Variants in TENM4 observed in about 807,000 individuals in gnomAD.
TENM4 encodes teneurin transmembrane protein 4, also known as teneurin-4.
Under a neutral mutation model 243.3 loss-of-function variants are expected in TENM4, and 82 were observed. The observed-to-expected ratio is 0.34, with a 90% CI of 0.28 to 0.40. The LOEUF is 0.40. Ranked by LOEUF, TENM4 falls within the 10% of genes least tolerant of loss-of-function variation. The pLI, the probability that TENM4 is intolerant of heterozygous loss-of-function variation, is 1.00. For missense variants in TENM4, 3,138 were observed against 3,673.3 expected (o/e 0.85, Z 3.77); for synonymous variants, 1,412 against 1,456.3 (o/e 0.97, Z 0.69).
chr11:79,432,034 C>A (rs1859179438), intron 1 of TENM4, among the ~76,000 whole-genome samples: 1 of 152,124 alleles, frequency 6.6e-6, no homozygotes, highest in Non-Finnish European at 1.5e-5. Context: ...TGAAATCTGG[C>A]TAGTGCAACC....
chr11:79,075,322 ACC>A (rs1249496104), intron 4 of TENM4, among the ~76,000 whole-genome samples: 1 of 152,142 alleles, frequency 6.6e-6, no homozygotes, highest in Non-Finnish European at 1.5e-5. Context: ...TCTTTCCAGA[ACC>A]CTCTATCCTG....
intron 27 of TENM4, among the ~76,000 whole-genome samples, chr11:78,705,479 A>G (rs545027556): frequency 6.6e-6 from 1 of 152,280 alleles, no homozygotes; most frequent in Admixed American, 6.5e-5. Flanking sequence ...TGGTTTCACC[A>G]CCCTATTAGC....
intron 4 of TENM4, among the ~76,000 whole-genome samples, chr11:79,103,818 C>G (rs1861294005): frequency 6.6e-6 from 1 of 152,206 alleles, no homozygotes; most frequent in Non-Finnish European, 1.5e-5. Flanking sequence ...TTCCTCTGCT[C>G]CCCACTCGCT....
chr11:79,226,915 C>T (rs1416200305), intron 2 of TENM4, among the ~76,000 whole-genome samples: 1 of 152,158 alleles, frequency 6.6e-6, no homozygotes, highest in African/African-American at 2.4e-5. Context: ...TGGGAGTGCG[C>T]AGGCTGAATG....
intron 3 of TENM4, among the ~76,000 whole-genome samples, chr11:79,203,450 A>G (rs771769671): frequency 7.2e-5 from 11 of 152,268 alleles, no homozygotes; most frequent in Non-Finnish European, 1.0e-4. Flanking sequence ...CACAGAGGAT[A>G]CATTCCAAGG....
At chr11:78,770,301 C>A (rs570197783) in intron 18 of TENM4, among the ~76,000 whole-genome samples, 1 of 152,232 alleles carries the variant, frequency 6.6e-6, no homozygotes, top group Non-Finnish European at 1.5e-5. Context: ...TACTCATGGG[C>A]CAGCTGCCTC....
chr11:79,219,838 T>C (rs1177646743), intron 2 of TENM4, among the ~76,000 whole-genome samples: 1 of 152,222 alleles, frequency 6.6e-6, no homozygotes, highest in African/African-American at 2.4e-5. Context: ...AGAGTGCCTC[T>C]GCTTCTGTTG....
chr11:78,740,366 C>T (rs1216775363), intron 19 of TENM4, among the ~76,000 whole-genome samples: 1 of 150,982 alleles, frequency 6.6e-6, no homozygotes, highest in Non-Finnish European at 1.5e-5. Context: ...CACCCCACCC[C>T]ACCCTCCTCA....
chr11:79,277,310 G>A (rs1310501820), intron 2 of TENM4, among the ~76,000 whole-genome samples: 3 of 152,326 alleles, frequency 2.0e-5, no homozygotes, highest in East Asian at 1.9e-4. Flanking sequence ...GGCACTAACA[G>A]TTGTTGACGA....
chr11:78,990,656 C>T (rs1402895306), intron 6 of TENM4, among the ~76,000 whole-genome samples: 1 of 152,146 alleles, frequency 6.6e-6, no homozygotes, highest in Non-Finnish European at 1.5e-5. Context: ...AGATAGGAGT[C>T]TGTATAGAAA....
chr11:78,743,538 T>C (rs1269685429), intron 19 of TENM4, among the ~76,000 whole-genome samples: 3 of 152,194 alleles, frequency 2.0e-5, no homozygotes, highest in Non-Finnish European at 4.4e-5. Flanking sequence ...TTTGAGCTAC[T>C]TGACCTTGAC....
At chr11:79,317,716 C>A (rs1856825736) in intron 1 of TENM4, among the ~76,000 whole-genome samples, 1 of 152,192 alleles carries the variant, frequency 6.6e-6, no homozygotes, top group Non-Finnish European at 1.5e-5. Context: ...ACCAAGTTGA[C>A]CAAGAGTCAA....
intron 7 of TENM4, among the ~76,000 whole-genome samples, chr11:78,902,382 G>A (rs955124458): frequency 1.3e-5 from 2 of 152,192 alleles, no homozygotes; most frequent in South Asian, 4.1e-4. Flanking sequence ...CAGAACTCAA[G>A]GAGACTGATG....
At chr11:79,242,846 G>A (rs1345807140) in intron 2 of TENM4, among the ~76,000 whole-genome samples, 1 of 152,114 alleles carries the variant, frequency 6.6e-6, no homozygotes, top group Non-Finnish European at 1.5e-5. Flanking sequence ...AGACTTTTTT[G>A]AGGCTCTTGA....
intron 4 of TENM4, among the ~76,000 whole-genome samples, chr11:79,129,088 ACACATACCCC>A (rs1186655814): frequency 6.6e-6 from 1 of 152,218 alleles, no homozygotes; most frequent in Non-Finnish European, 1.5e-5. Flanking sequence ...CCTCTCCTGA[ACACATACCCC>A]CACTGGAGAA....
chr11:78,744,026 G>A (rs1855991340), intron 19 of TENM4, among the ~76,000 whole-genome samples: 1 of 152,178 alleles, frequency 6.6e-6, no homozygotes, highest in Non-Finnish European at 1.5e-5. Context: ...CCTGACTTGT[G>A]TAAATCCTTA....
intron 2 of TENM4, among the ~76,000 whole-genome samples, chr11:79,296,618 C>G (rs7121482): frequency 1.3e-5 from 2 of 152,210 alleles, no homozygotes; most frequent in African/African-American, 2.4e-5. Context: ...CATTCAGATG[C>G]TACAACTACC....
At chr11:79,238,465 C>T (rs1864520167) in intron 2 of TENM4, among the ~76,000 whole-genome samples, 1 of 152,112 alleles carries the variant, frequency 6.6e-6, no homozygotes, top group Non-Finnish European at 1.5e-5. Context: ...GATCCATCTC[C>T]TCCTGCCTTT....
chr11:78,708,991 AG>A (rs1363844897), intron 26 of TENM4, among the ~76,000 whole-genome samples: 1 of 148,564 alleles, frequency 6.7e-6, no homozygotes, highest in Non-Finnish European at 1.5e-5. Context: ...TTTTAAAAAA[AG>A]AGTCTCGTTC....
Sources: gnomAD v4.1 joint callset for allele counts (sites outside exome capture counted in the v4.1 genomes callset) on GRCh38, gnomAD v4.1.1 for gene constraint, MANE v1.5 for transcripts, NCBI Gene and HGNC (gene_info 2026-07-23, HGNC 2026-07-21) for gene names.